KLF12: variants seen among roughly 807,000 people sequenced by gnomAD.
The protein encoded by KLF12 is KLF transcription factor 12.
In KLF12, 9 loss-of-function variants were observed where a neutral mutation model predicts 37.8. The ratio of observed to expected loss-of-function variants is 0.24; its 90% CI spans 0.14 to 0.42. KLF12 has a LOEUF of 0.42. Among genes scored for constraint, KLF12 ranks in the 10% least tolerant of loss-of-function variants. KLF12 has a pLI of 1.00. For missense variants in KLF12, 411 were observed against 516.0 expected, an observed-to-expected ratio of 0.80 and a Z score of 1.97; for synonymous variants, 208 against 202.1, an observed-to-expected ratio of 1.03 and a Z score of -0.25.
chr13:73,743,925 T>C (rs1878188792), intron 6 of KLF12, among the ~76,000 whole-genome samples: 1 of 152,186 alleles, frequency 6.6e-6, no homozygotes, highest in Non-Finnish European at 1.5e-5. Context: ...CAGGATTCTA[T>C]TTCAAGCAGT....
chr13:73,760,335 T>C (rs1173355998), intron 6 of KLF12, among the ~76,000 whole-genome samples: 1 of 152,088 alleles, frequency 6.6e-6, no homozygotes, highest in African/African-American at 2.4e-5. Flanking sequence ...ACATATATAG[T>C]TTTTTCACAG....
chr13:73,721,147 G>A (rs554635190), intron 6 of KLF12, among the ~76,000 whole-genome samples: 13 of 152,300 alleles, frequency 8.5e-5, no homozygotes, highest in Admixed American at 7.2e-4. Flanking sequence ...CCTGTACACT[G>A]TATCCCTCTT....
chr13:74,217,311 C>CT, the KLF12 span, among the ~76,000 whole-genome samples: 909 of 144,802 alleles, frequency 6.3e-3, 4 homozygotes, highest in Middle Eastern at 0.014. Context: ...TAATAGATGA[C>CT]TTTTTTTTTT....
At chr13:74,100,841 G>A (rs1392769768) in intron 1 of KLF12, among the ~76,000 whole-genome samples, 1 of 152,122 alleles carries the variant, frequency 6.6e-6, no homozygotes, top group Non-Finnish European at 1.5e-5. Flanking sequence ...AACTGCCTCA[G>A]AATCAAAGTC....
intron 1 of KLF12, among the ~76,000 whole-genome samples, chr13:74,118,051 T>C (rs2138963368): frequency 6.6e-6 from 1 of 152,104 alleles, no homozygotes; most frequent in African/African-American, 2.4e-5. Flanking sequence ...GTAATTCTAC[T>C]AAGTGTCATT....
At chr13:74,230,127 G>GA in the KLF12 span, among the ~76,000 whole-genome samples, 8,558 of 152,194 alleles carry the variant, frequency 0.056, 599 homozygotes, top group African/African-American at 0.17. Context: ...TGTTGGGAGG[G>GA]ACCTGGTCGG....
intron 2 of KLF12, among the ~76,000 whole-genome samples, chr13:73,945,879 T>C (rs909721186): frequency 6.6e-6 from 1 of 152,194 alleles, no homozygotes; most frequent in African/African-American, 2.4e-5. Flanking sequence ...GGAACTGTGG[T>C]ATATTACTGG....
At chr13:73,813,360 A>T (rs779651753) in intron 4 of KLF12, 73 bp from the exon 5 acceptor site, 17 of 1,522,158 alleles carry the variant, frequency 1.1e-5, no homozygotes, top group Non-Finnish European at 1.5e-5. Context: ...GACCAACATC[A>T]AGTATGGAAC....
At chr13:73,826,073 C>T (rs566004406) in intron 4 of KLF12, among the ~76,000 whole-genome samples, 2 of 151,872 alleles carry the variant, frequency 1.3e-5, no homozygotes, top group Middle Eastern at 3.2e-3. Context: ...CCTGGGTTCA[C>T]GCTATTCTCC....
At chr13:73,781,066 C>A (rs568629564) in intron 5 of KLF12, among the ~76,000 whole-genome samples, 2 of 152,310 alleles carry the variant, frequency 1.3e-5, no homozygotes, top group South Asian at 4.1e-4. Flanking sequence ...CTTCAGCAAC[C>A]ACCACACTGA....
At chr13:74,238,521 G>C in the KLF12 span, among the ~76,000 whole-genome samples, 2 of 136,434 alleles carry the variant, frequency 1.5e-5, 1 homozygote, top group Non-Finnish European at 3.0e-5. Context: ...AATGGTACCA[G>C]TTCCTCCTTG....
chr13:73,968,994 C>T (rs1421628866), intron 2 of KLF12, among the ~76,000 whole-genome samples: 1 of 149,330 alleles, frequency 6.7e-6, no homozygotes, highest in East Asian at 2.0e-4. Flanking sequence ...TATATTGCCT[C>T]CTCATCTCAC....
intron 1 of KLF12, among the ~76,000 whole-genome samples, chr13:74,100,045 G>A (rs535994406): frequency 2.6e-5 from 4 of 152,194 alleles, no homozygotes; most frequent in East Asian, 3.9e-4. Context: ...AGTGTGGAGG[G>A]GAGAGAGAGC....
At chr13:73,754,856 A>C (rs1164372320) in intron 6 of KLF12, among the ~76,000 whole-genome samples, 3 of 152,178 alleles carry the variant, frequency 2.0e-5, no homozygotes, top group African/African-American at 7.2e-5. Context: ...AGAATTTTTG[A>C]GTATTCACAG....
intron 4 of KLF12, among the ~76,000 whole-genome samples, chr13:73,821,110 T>A (rs1257878609): frequency 6.6e-6 from 1 of 152,218 alleles, no homozygotes; most frequent in Non-Finnish European, 1.5e-5. Flanking sequence ...ATTATTCTCT[T>A]GGGCCTTTGT....
the KLF12 span, among the ~76,000 whole-genome samples, chr13:74,147,393 T>C: frequency 1.3e-5 from 2 of 152,206 alleles, no homozygotes; most frequent in Non-Finnish European, 2.9e-5. Flanking sequence ...GGTTACACGA[T>C]GTTAAACATC....
chr13:74,061,609 G>A (rs1873595137), intron 1 of KLF12, among the ~76,000 whole-genome samples: 1 of 152,188 alleles, frequency 6.6e-6, no homozygotes, highest in South Asian at 2.1e-4. Context: ...TCCCAATGAT[G>A]TCCCAAGTTC....
At chr13:74,153,426 T>G in the KLF12 span, among the ~76,000 whole-genome samples, 2 of 152,206 alleles carry the variant, frequency 1.3e-5, no homozygotes, top group African/African-American at 4.8e-5. Context: ...GCTTGTTCAG[T>G]CCATCAAGTT....
At chr13:73,810,646 GACAC>G (rs71927679) in intron 5 of KLF12, among the ~76,000 whole-genome samples, 2 of 150,774 alleles carry the variant, frequency 1.3e-5, no homozygotes, top group African/African-American at 2.4e-5. Flanking sequence ...TATTTATAAA[GACAC>G]ACACACACAC....
Sources: allele counts gnomAD v4.1 joint callset (sites outside exome capture counted in the v4.1 genomes callset), GRCh38; gene constraint gnomAD v4.1.1; transcripts MANE v1.5; gene names NCBI Gene and HGNC (gene_info 2026-07-23, HGNC 2026-07-21).